Variants in YWHAG observed in about 807,000 individuals in gnomAD.
YWHAG encodes the protein 14-3-3 protein gamma.
In YWHAG, 1 loss-of-function variant was observed where a neutral mutation model predicts 23.3. That is an observed-to-expected ratio of 0.04 (90% confidence interval 0.02 to 0.20). The LOEUF (loss-of-function observed/expected upper bound fraction) is 0.20. Among genes scored for constraint, YWHAG ranks in the 10% least tolerant of loss-of-function variants. The pLI, the probability that YWHAG is intolerant of heterozygous loss-of-function variation, is 1.00. For synonymous variants in YWHAG, 160 were observed against 144.0 expected (o/e 1.11, Z -0.80); for missense variants, 151 against 338.6 (o/e 0.45, Z 4.35).
chr7:76,333,409 T>C (rs1308296013), intron 1 of YWHAG, among the ~76,000 whole-genome samples: 1 of 152,212 alleles, frequency 6.6e-6, no homozygotes, highest in African/African-American at 2.4e-5. Flanking sequence ...AGCAAAGTCT[T>C]CTTGAAAAAG....
chr7:76,335,807 T>C (rs7801963), intron 1 of YWHAG, among the ~76,000 whole-genome samples: 4,129 of 152,132 alleles, frequency 0.027, 201 homozygotes, highest in African/African-American at 0.093. Flanking sequence ...AAAAATGAGC[T>C]GGGTGTGGTG....
chr7:76,337,494 C>A (rs1273797787), intron 1 of YWHAG, among the ~76,000 whole-genome samples: 1 of 151,720 alleles, frequency 6.6e-6, no homozygotes, highest in Admixed American at 6.6e-5. Context: ...TTGCGCCTGG[C>A]TTCCTCTGAT....
rs887304313 is a variant in YWHAG, at chr7:76,349,505, A to G, written c.87+9217T>C. Among the ~76,000 whole-genome samples, 19 of 152,124 alleles carry G rather than the reference A, an allele frequency of 1.2e-4. 2 individuals are homozygous for G. The East Asian group carries it at 3.7e-3, about 29-fold the overall frequency. On this transcript the variant is annotated intron_variant, in intron 1 of 1. Coordinates refer to ENST00000307630, the MANE Select transcript of YWHAG (RefSeq NM_012479.4). ...AAAGAGAAAACCAAGATCAAAATGC[A>G]ACAGGGTACCAAAAAATGAAAGTAA...
intron 1 of YWHAG, among the ~76,000 whole-genome samples, chr7:76,331,513 G>A (rs1031125637): frequency 6.6e-5 from 10 of 151,430 alleles, no homozygotes; most frequent in African/African-American, 2.2e-4. Flanking sequence ...ACACAAATTC[G>A]TAAACTCTAT....
chr7:76,351,474 A>G (rs575444312), intron 1 of YWHAG, among the ~76,000 whole-genome samples: 27 of 152,142 alleles, frequency 1.8e-4, no homozygotes, highest in Non-Finnish European at 3.1e-4. Context: ...TTTGAAAATA[A>G]TAACATCTAT....
At chr7:76,333,268 C>T (rs973508782) in intron 1 of YWHAG, among the ~76,000 whole-genome samples, 7 of 152,008 alleles carry the variant, frequency 4.6e-5, no homozygotes, top group Admixed American at 6.6e-5. Context: ...CTGCATCCAG[C>T]CATTTAAAAA....
rs963756740 is a variant in YWHAG at position 76,358,977 on chromosome 7, G to A, written c.-169C>T. 1 of 519,788 alleles carries A rather than the reference G, an allele frequency of 1.9e-6. No homozygotes were observed. The highest frequency in any genetic ancestry group is 3.2e-6 in the Non-Finnish European group (1 of 316,076). The allele number at this position is 519,788 out of a possible 1,614,324, so 32.2% of individuals were successfully genotyped here. On this transcript the variant is annotated 5_prime_UTR_variant, in exon 1 of 2. Coordinates refer to ENST00000307630, the MANE Select transcript of YWHAG (RefSeq NM_012479.4). The stretch of plus-strand genomic sequence containing the variant: ...GCTGGAGCTGCGACCGCGGGACCGG[G>A]CGCGAGGCGGCTGCGGCTGCTGTGC...
At chr7:76,346,117 C>T (rs1363246124) in intron 1 of YWHAG, among the ~76,000 whole-genome samples, 1 of 152,210 alleles carries the variant, frequency 6.6e-6, no homozygotes, top group Non-Finnish European at 1.5e-5. Flanking sequence ...ACAGTCGTCA[C>T]TGTCTTCCGA....
chr7:76,343,553 C>T (rs1006573015), intron 1 of YWHAG, among the ~76,000 whole-genome samples: 2 of 152,170 alleles, frequency 1.3e-5, no homozygotes, highest in Admixed American at 1.3e-4. Flanking sequence ...ATGATGTACC[C>T]ATCTGAGATT....
At chr7:76,346,593 C>A (rs1166089721) in intron 1 of YWHAG, among the ~76,000 whole-genome samples, 1 of 152,112 alleles carries the variant, frequency 6.6e-6, no homozygotes, top group Non-Finnish European at 1.5e-5. Flanking sequence ...TCTTTTCCAC[C>A]ATTTTCTCCT....
intron 1 of YWHAG, among the ~76,000 whole-genome samples, chr7:76,345,421 C>T (rs945505001): frequency 6.6e-6 from 1 of 151,758 alleles, no homozygotes; most frequent in African/African-American, 2.4e-5. Flanking sequence ...CTCCTGACCT[C>T]GTGATCCACC....
In YWHAG at chr7:76,358,710, G is replaced by A. The variant is rs368553561; in HGVS notation, c.87+12C>T. 3.0e-5 allele frequency: 47 copies of A among 1,574,670 alleles called. No homozygotes were observed. Among genetic ancestry groups the A allele is most frequent in the East Asian group, 2.9e-4 (12 of 41,140 alleles). On this transcript the variant is annotated intron_variant, in intron 1 of 1. Transcript: ENST00000307630. ...GGGCAGGGAGCGGCGGGGGAGGGGA[G>A]GAGACACTCACGTTCTTCATGGCCG...
chr7:76,352,761 T>C (rs1313933002), intron 1 of YWHAG, among the ~76,000 whole-genome samples: 2 of 151,844 alleles, frequency 1.3e-5, no homozygotes, highest in African/African-American at 2.4e-5. Context: ...GTGATTCTCC[T>C]ACCTCAGCCT....
chr7:76,357,193 G>A (rs909323887), intron 1 of YWHAG, among the ~76,000 whole-genome samples: 1 of 152,174 alleles, frequency 6.6e-6, no homozygotes, highest in Non-Finnish European at 1.5e-5. Flanking sequence ...CCGAATTTCA[G>A]AATCAGTTCT....
chr7:76,354,635 T>G (rs556464429), intron 1 of YWHAG, among the ~76,000 whole-genome samples: 1 of 152,298 alleles, frequency 6.6e-6, no homozygotes, highest in South Asian at 2.1e-4. Context: ...ACAGCCACAA[T>G]GTACTGAATG....
chr7:76,327,668 G>GCCCCCCCCCCCC lies in YWHAG; in HGVS notation c.*1897_*1908dup, dbSNP rs71085403. On this transcript the variant is annotated 3_prime_UTR_variant, in exon 2 of 2. Transcript: ENST00000307630. ...AATTAGGGAAAGCCCCACCTACCCT[G>GCCCCCCCCCCCC]CCCCCCCCCCCCTCCCCCCCCAAAT... 69 of 47,104 alleles carry GCCCCCCCCCCCC rather than the reference G, an allele frequency of 1.5e-3. No homozygotes were observed. The highest frequency in any genetic ancestry group is 2.2e-3 in the African/African-American group (17 of 7,892). 2.9% of individuals were successfully genotyped at this position (47,104 alleles called of 1,614,324 possible). A position where few individuals can be genotyped will look rare whatever the true frequency, so the allele number is the denominator to read the frequency against.
At chr7:76,332,034 C>T (rs1033524423) in intron 1 of YWHAG, among the ~76,000 whole-genome samples, 1 of 152,148 alleles carries the variant, frequency 6.6e-6, no homozygotes, top group African/African-American at 2.4e-5. Flanking sequence ...CAAATATTCT[C>T]TAAACTGATT....
chr7:76,345,567 G>A (rs1423643343), intron 1 of YWHAG, among the ~76,000 whole-genome samples: 2 of 151,954 alleles, frequency 1.3e-5, no homozygotes, highest in African/African-American at 4.8e-5. Context: ...CCCCCTCCAT[G>A]GATTCCCACT....
Position 76,329,887 on chromosome 7 carries a change from G to T in YWHAG, c.434C>A (p.Thr145Lys). The change falls in exon 2 of 2, where the codon ACG becomes AAG. Residue 145 changes from threonine to lysine, a missense_variant. Transcript: ENST00000307630. The surrounding 1 kb of genome is among the most constrained non-coding windows in gnomAD (Gnocchi z 6.1). ...AEVATGEKRA[T>K]VVESSEKAYS... is the part of the protein sequence containing the mutation. ...GGCCTTCTCGGAGGACTCCACCACC[G>T]TCGCCCTTTTCTCTCCGGTGGCCAC... is the stretch of plus-strand genomic sequence containing the variant. 6.2e-7 allele frequency: 1 copy of T among 1,613,996 alleles called. No individual in the cohort carries two copies. The highest frequency in any genetic ancestry group is 8.5e-7 in the Non-Finnish European group (1 of 1,180,006).
Sources: gnomAD v4.1 joint callset for allele counts (sites outside exome capture counted in the v4.1 genomes callset) on GRCh38, gnomAD v4.1.1 for gene constraint, Gnocchi (gnomAD v3.1) non-coding constraint, MANE v1.5 for transcripts, NCBI Gene and HGNC (gene_info 2026-07-23, HGNC 2026-07-21) for gene names.